The following WWC2 variants were observed in gnomAD, a reference collection of about 807,000 sequenced individuals.
WWC2 encodes the protein protein WWC2.
WWC2 carries 101 observed loss-of-function variants against 138.5 expected under a neutral mutation model. That is an observed-to-expected ratio of 0.73 (90% CI 0.62 to 0.86). The LOEUF is 0.86. WWC2 is among the 40% of genes least tolerant of loss of function. The probability of loss-of-function intolerance (pLI) is 0.00; values close to 1 mark genes in which losing one functional copy is unlikely to be tolerated. For synonymous variants in WWC2, 558 were observed against 538.4 expected, an observed-to-expected ratio of 1.04 and a Z score of -0.50; for missense variants, 1,420 against 1,419.4, an observed-to-expected ratio of 1.00 and a Z score of -0.01.
At chr4:183,221,769 C>T (rs184319577) in intron 4 of WWC2, among the ~76,000 whole-genome samples, 2 of 152,170 alleles carry the variant, frequency 1.3e-5, no homozygotes, top group Non-Finnish European at 2.9e-5. Flanking sequence ...AATGGGAAGC[C>T]ATTAGCAAAT....
chr4:183,245,287 T>TGCTGGTA, intron 5 of WWC2, 129 bp from the exon 6 acceptor site: 1 of 687,912 alleles, frequency 1.5e-6, no homozygotes, highest in Non-Finnish European at 2.0e-6. Flanking sequence ...AAAAGATGAT[T>TGCTGGTA]GCTGGTATAT....
At chr4:183,152,350 T>G (rs1467623367) in intron 1 of WWC2, among the ~76,000 whole-genome samples, 2 of 151,680 alleles carry the variant, frequency 1.3e-5, no homozygotes, top group Non-Finnish European at 2.9e-5. Flanking sequence ...AATAAAAAAA[T>G]TAGCTTGGCA....
Position 183,239,398 on chromosome 4 carries a change from C to T in WWC2, c.523-785C>T, listed in dbSNP as rs542817210. Among the ~76,000 whole-genome samples, 3 of 152,176 alleles carry T rather than the reference C, an allele frequency of 2.0e-5. No homozygotes were observed. The East Asian group carries it at 5.8e-4, about 29-fold the overall frequency. ...TAAGTTTCTAACCCTTGTGAGAAGA[C>T]CTTTATTAGTTTGTGACTAAACCAG... On this transcript the variant is annotated intron_variant, in intron 4 of 22. Coordinates refer to ENST00000403733, the MANE Select transcript of WWC2 (RefSeq NM_024949.6).
chr4:183,245,708 C>T (rs1409177157), intron 6 of WWC2, among the ~76,000 whole-genome samples, 163 bp downstream of exon 6: 2 of 152,116 alleles, frequency 1.3e-5, no homozygotes, highest in East Asian at 3.9e-4. Context: ...ACAAAGGTAG[C>T]CTGCTGCCTT....
At chr4:183,276,055 C>T (rs986332251) in intron 16 of WWC2, among the ~76,000 whole-genome samples, 3 of 152,036 alleles carry the variant, frequency 2.0e-5, no homozygotes, top group Non-Finnish European at 4.4e-5. Flanking sequence ...AACCTTTTAT[C>T]ATTATAAAAT....
intron 4 of WWC2, among the ~76,000 whole-genome samples, chr4:183,212,057 A>C (rs1485842033): frequency 6.6e-6 from 1 of 152,084 alleles, no homozygotes; most frequent in Non-Finnish European, 1.5e-5. Context: ...ACCTGACCTC[A>C]TAATCTGCCC....
Position 183,114,350 on chromosome 4 carries a change from T to A in WWC2, c.131+14728T>A, listed in dbSNP as rs6857519. 8.8e-3 allele frequency among the ~76,000 whole-genome samples: 1,343 copies of A among 152,296 alleles called. 18 individuals carry two copies. Among genetic ancestry groups the A allele is most frequent in the African/African-American group, 0.03 (1,254 of 41,546 alleles). ...CAGAAGTCATAGGTCCAATTAAACC[T>A]CTTTTCCTTATAAATTACCCCATTT... On this transcript the variant is annotated intron_variant, in intron 1 of 22. Coordinates refer to ENST00000403733, the MANE Select transcript of WWC2 (RefSeq NM_024949.6).
intron 12 of WWC2, 109 bp from the exon 13 acceptor site, chr4:183,265,579 G>A (rs993195281): frequency 9.2e-7 from 1 of 1,092,812 alleles, no homozygotes; most frequent in Non-Finnish European, 1.4e-6. Context: ...GAGGGCATAG[G>A]AGTGCTGTTA....
At chr4:183,249,072 C>T (rs1736889948) in intron 7 of WWC2, among the ~76,000 whole-genome samples, 1 of 151,986 alleles carries the variant, frequency 6.6e-6, no homozygotes, top group Non-Finnish European at 1.5e-5. Flanking sequence ...ATATGAGTAG[C>T]TTTGTTCAAA....
chr4:183,221,347 G>A (rs1735930577), intron 4 of WWC2, among the ~76,000 whole-genome samples: 1 of 152,190 alleles, frequency 6.6e-6, no homozygotes, highest in Admixed American at 6.5e-5. Context: ...ATTATAGTTG[G>A]ACATGATAGA....
At chr4:183,266,576 C>T (rs965716120) in intron 14 of WWC2, among the ~76,000 whole-genome samples, 1 of 152,204 alleles carries the variant, frequency 6.6e-6, no homozygotes, top group African/African-American at 2.4e-5. Flanking sequence ...TAGACACCAC[C>T]ATTCACATTT....
chr4:183,312,290 AT>A, intron 21 of WWC2, 50 bp from the exon 22 acceptor site: 1 of 1,597,864 alleles, frequency 6.3e-7, no homozygotes, highest in South Asian at 1.1e-5. Flanking sequence ...GTCTCCAGGG[AT>A]TTCTAATCAG....
intron 1 of WWC2, among the ~76,000 whole-genome samples, chr4:183,192,798 C>A (rs1432648900): frequency 6.6e-6 from 1 of 152,020 alleles, no homozygotes; most frequent in East Asian, 1.9e-4. Flanking sequence ...TGTTAACCTG[C>A]CCATGGCCGC....
intron 9 of WWC2, among the ~76,000 whole-genome samples, chr4:183,256,306 C>T (rs992168634): frequency 4.6e-5 from 7 of 152,182 alleles, no homozygotes; most frequent in Admixed American, 3.9e-4. Context: ...CAAAGTGACT[C>T]AGTAGTTCAC....
chr4:183,153,228 T>G (rs897387915), intron 1 of WWC2, among the ~76,000 whole-genome samples: 2 of 152,188 alleles, frequency 1.3e-5, no homozygotes, highest in African/African-American at 4.8e-5. Context: ...TGTTTGGGAC[T>G]TTTAGGCTGT....
chr4:183,110,377 A>G (rs191770204), intron 1 of WWC2, among the ~76,000 whole-genome samples: 7 of 151,628 alleles, frequency 4.6e-5, no homozygotes, highest in Admixed American at 3.9e-4. Context: ...TCCATATATT[A>G]TCCTTGTGAT....
chr4:183,258,929 C>G (rs1266416317), intron 9 of WWC2, among the ~76,000 whole-genome samples: 1 of 151,984 alleles, frequency 6.6e-6, no homozygotes, highest in Non-Finnish European at 1.5e-5. Context: ...TTTAAAATGA[C>G]TTACTATTCA....
Position 183,289,728 on chromosome 4 carries a change from C to T in WWC2, c.3384+93C>T, listed in dbSNP as rs543745407. Reference sequence around the variant, plus strand: ...GTACCCAACTTACACTTCTGTTTTGCGCATAAGTCTTTAGATGTTTTACTA... The same window carrying T: ...GTACCCAACTTACACTTCTGTTTTGTGCATAAGTCTTTAGATGTTTTACTA... On this transcript the variant is annotated intron_variant, in intron 21 of 22. Transcript: ENST00000403733. 66 of 1,511,182 alleles carry T rather than the reference C, an allele frequency of 4.4e-5. No homozygotes were observed. The South Asian group carries it at 5.9e-4, about 14-fold the overall frequency. The allele number at this position is 1,511,182 out of a possible 1,614,324, so 93.6% of individuals were successfully genotyped here.
intron 1 of WWC2, among the ~76,000 whole-genome samples, chr4:183,179,817 C>A (rs1236702540): frequency 6.6e-6 from 1 of 152,146 alleles, no homozygotes; most frequent in Non-Finnish European, 1.5e-5. Context: ...CTGGAAATCA[C>A]TCACTCACTG....
Sources: allele counts gnomAD v4.1 joint callset (sites outside exome capture counted in the v4.1 genomes callset), GRCh38; gene constraint gnomAD v4.1.1; transcripts MANE v1.5; gene names NCBI Gene and HGNC (gene_info 2026-07-23, HGNC 2026-07-21).